Variants in OTUD7A observed in about 807,000 individuals in gnomAD.
The protein encoded by OTUD7A is OTU deubiquitinase 7A.
A neutral mutation model predicts 65.7 loss-of-function variants in OTUD7A; 12 were observed. That is an observed-to-expected ratio of 0.18 (90% CI 0.12 to 0.30). The LOEUF (loss-of-function observed/expected upper bound fraction) is 0.30. OTUD7A is among the 10% of genes least tolerant of loss of function. The probability of loss-of-function intolerance (pLI) is 1.00; values close to 1 mark genes in which losing one functional copy is unlikely to be tolerated. For synonymous variants in OTUD7A, 641 were observed against 586.3 expected (o/e 1.09, Z -1.35); for missense variants, 1,148 against 1,304.8 (o/e 0.88, Z 1.85).
intron 1 of OTUD7A, among the ~76,000 whole-genome samples, chr15:31,835,321 C>A (rs1205427300): frequency 6.6e-6 from 1 of 152,192 alleles, no homozygotes; most frequent in African/African-American, 2.4e-5. Context: ...ATATGTTAAA[C>A]CATTATTCAT....
chr15:31,849,946 C>T (rs1244797048), intron 1 of OTUD7A, among the ~76,000 whole-genome samples: 2 of 151,968 alleles, frequency 1.3e-5, no homozygotes, highest in African/African-American at 2.4e-5. Context: ...CTTTTAGACA[C>T]TTTTACACTG....
At chr15:31,857,362 C>A (rs889403933) in intron 1 of OTUD7A, among the ~76,000 whole-genome samples, 1 of 151,820 alleles carries the variant, frequency 6.6e-6, no homozygotes, top group African/African-American at 2.4e-5. Flanking sequence ...CAGCAGGAGG[C>A]AGCACAAATG....
chr15:31,708,771 C>G (rs1022612818), intron 1 of OTUD7A, among the ~76,000 whole-genome samples: 1 of 151,652 alleles, frequency 6.6e-6, no homozygotes, highest in African/African-American at 2.4e-5. Context: ...GAGACCCAGA[C>G]AGAGAATTTT....
intron 3 of OTUD7A, among the ~76,000 whole-genome samples, chr15:31,605,439 C>T (rs1005530391): frequency 6.6e-6 from 1 of 152,172 alleles, no homozygotes; most frequent in Non-Finnish European, 1.5e-5. Flanking sequence ...TCCTCTGAAA[C>T]ATCACCCTGG....
chr15:31,747,211 C>G (rs987638024), intron 1 of OTUD7A, among the ~76,000 whole-genome samples: 1 of 152,074 alleles, frequency 6.6e-6, no homozygotes, highest in East Asian at 1.9e-4. Flanking sequence ...TTGTGCAGAT[C>G]GGGGCTGAAA....
chr15:31,813,207 T>G (rs1896464678), intron 1 of OTUD7A, among the ~76,000 whole-genome samples: 1 of 152,218 alleles, frequency 6.6e-6, no homozygotes, highest in Non-Finnish European at 1.5e-5. Context: ...GGTATACGCA[T>G]GCCCTCCCCA....
In OTUD7A at chr15:31,528,434, A is replaced by G. The variant is rs185696359; in HGVS notation, c.653-1126T>C. Among the ~76,000 whole-genome samples, 3 of 152,366 alleles carry G rather than the reference A, an allele frequency of 2.0e-5. No homozygotes were observed. In the East Asian group the frequency reaches 5.8e-4, roughly 29 times the overall value. On this transcript the variant is annotated intron_variant, in intron 6 of 12. Transcript: ENST00000307050. ...AAAGGGGGCTCTCGAGGGAACTGTG[A>G]GCCTCTGGAGAGTCTACAGAAGGAG...
chr15:31,798,794 CA>C (rs1408193668), intron 1 of OTUD7A, among the ~76,000 whole-genome samples: 1 of 152,150 alleles, frequency 6.6e-6, no homozygotes, highest in Non-Finnish European at 1.5e-5. Context: ...AGAAGGAAGC[CA>C]GGGGGAGGCT....
intron 1 of OTUD7A, among the ~76,000 whole-genome samples, chr15:31,720,433 G>GCT (rs1893704303): frequency 6.9e-6 from 1 of 145,518 alleles, no homozygotes. Flanking sequence ...ACGGAGTCTC[G>GCT]CTGTCGCCCA....
At chr15:31,726,915 CG>C (rs1398647291) in intron 1 of OTUD7A, among the ~76,000 whole-genome samples, 1 of 152,178 alleles carries the variant, frequency 6.6e-6, no homozygotes, top group Non-Finnish European at 1.5e-5. Context: ...AAAACACATG[CG>C]GCCTGCTTCA....
intron 1 of OTUD7A, among the ~76,000 whole-genome samples, chr15:31,868,622 C>A (rs1897941888): frequency 6.6e-6 from 1 of 152,104 alleles, no homozygotes; most frequent in Non-Finnish European, 1.5e-5. Flanking sequence ...GGAATAAATG[C>A]GGCACCATCA....
chr15:31,694,736 C>A (rs1893035658), intron 1 of OTUD7A, among the ~76,000 whole-genome samples: 4 of 152,206 alleles, frequency 2.6e-5, no homozygotes, highest in Admixed American at 2.6e-4. Context: ...CTGTGCCTGG[C>A]TTATTTCACT....
intron 3 of OTUD7A, among the ~76,000 whole-genome samples, chr15:31,606,313 A>C (rs1389480397): frequency 6.6e-6 from 1 of 152,220 alleles, no homozygotes; most frequent in Non-Finnish European, 1.5e-5. Flanking sequence ...GTGGTGCAGA[A>C]CTGAGGTAGG....
At chr15:31,686,950 T>G (rs1892851264) in intron 1 of OTUD7A, among the ~76,000 whole-genome samples, 1 of 152,200 alleles carries the variant, frequency 6.6e-6, no homozygotes, top group African/African-American at 2.4e-5. Context: ...CAGCAATGTT[T>G]TTGAAGACTC....
At chr15:31,601,242 G>A (rs892712865) in intron 3 of OTUD7A, among the ~76,000 whole-genome samples, 1 of 152,078 alleles carries the variant, frequency 6.6e-6, no homozygotes, top group African/African-American at 2.4e-5. Context: ...CAAAACAATG[G>A]AAATCATAAC....
At chr15:31,815,476 C>T (rs1896524485) in intron 1 of OTUD7A, among the ~76,000 whole-genome samples, 1 of 150,838 alleles carries the variant, frequency 6.6e-6, no homozygotes, top group Non-Finnish European at 1.5e-5. Flanking sequence ...CAAACATCTA[C>T]CCAGCAAGGA....
At chr15:31,843,870 C>A (rs963813342) in intron 1 of OTUD7A, among the ~76,000 whole-genome samples, 1 of 152,142 alleles carries the variant, frequency 6.6e-6, no homozygotes, top group Non-Finnish European at 1.5e-5. Flanking sequence ...CATGTTTACT[C>A]CCTGCTAAAC....
At chr15:31,552,101 TAA>T (rs1888343361) in intron 5 of OTUD7A, among the ~76,000 whole-genome samples, 1 of 152,144 alleles carries the variant, frequency 6.6e-6, no homozygotes, top group Non-Finnish European at 1.5e-5. Flanking sequence ...AGATGATTGT[TAA>T]AAAGAGTCTG....
rs566339159 is a variant in OTUD7A, at chr15:31,760,833, A to G, written c.-99-103756T>C. ...TCCACAATAATTAAGATAGTATGGT[A>G]TTGGCATAAACCCTTGCATTTATGT... is the stretch of plus-strand genomic sequence containing the variant. On this transcript the variant is annotated intron_variant, in intron 1 of 12. Transcript: ENST00000307050. 2.0e-5 allele frequency among the ~76,000 whole-genome samples: 3 copies of G among 152,340 alleles called. No homozygotes were observed. In the South Asian group the frequency reaches 6.2e-4, roughly 32 times the overall value.
Sources: gnomAD v4.1 joint callset for allele counts (sites outside exome capture counted in the v4.1 genomes callset) on GRCh38, gnomAD v4.1.1 for gene constraint, MANE v1.5 for transcripts, NCBI Gene and HGNC (gene_info 2026-07-23, HGNC 2026-07-21) for gene names.